The following ETFA variants were observed in gnomAD, a reference collection of about 807,000 sequenced individuals.
ETFA encodes electron transfer flavoprotein subunit alpha.
Under a neutral mutation model 46.2 loss-of-function variants are expected in ETFA, and 22 were observed. The observed-to-expected ratio is 0.48, with a 90% confidence interval of 0.34 to 0.68. The LOEUF is 0.68. Ranked by LOEUF, ETFA falls within the 30% of genes least tolerant of loss-of-function variation. The pLI is 0.01. For missense variants in ETFA, 345 were observed against 401.1 expected, an observed-to-expected ratio of 0.86 and a Z score of 1.19; for synonymous variants, 131 against 139.9, an observed-to-expected ratio of 0.94 and a Z score of 0.45.
At chr15:76,281,193 C>A (rs892534955) in intron 8 of ETFA, among the ~76,000 whole-genome samples, 1 of 151,806 alleles carries the variant, frequency 6.6e-6, no homozygotes, top group Non-Finnish European at 1.5e-5. Flanking sequence ...TTAGTAGAGG[C>A]GGGGTTTCAC....
chr15:76,268,299 A>G (rs1278954087), intron 9 of ETFA, among the ~76,000 whole-genome samples: 1 of 151,844 alleles, frequency 6.6e-6, no homozygotes, highest in Non-Finnish European at 1.5e-5. Flanking sequence ...GGGTGCCCTC[A>G]AGGTGTGTAT....
intron 9 of ETFA, among the ~76,000 whole-genome samples, chr15:76,253,478 T>C (rs1339277656): frequency 6.6e-6 from 1 of 152,126 alleles, no homozygotes; most frequent in Non-Finnish European, 1.5e-5. Context: ...ATGCTTTCCA[T>C]AGCTATTCAA....
chr15:76,296,348 C>A (rs973707234), intron 1 of ETFA, among the ~76,000 whole-genome samples: 3 of 152,144 alleles, frequency 2.0e-5, no homozygotes, highest in Admixed American at 6.5e-5. Context: ...TAATCTACAT[C>A]TGATAAGAAA....
chr15:76,240,603 A>T (rs770541642), intron 9 of ETFA, among the ~76,000 whole-genome samples: 1 of 152,222 alleles, frequency 6.6e-6, no homozygotes, highest in Non-Finnish European at 1.5e-5. Flanking sequence ...ATATTGTGAA[A>T]CACAATTCAA....
At chr15:76,284,686 TTCA>T in intron 7 of ETFA, 1 of 164,952 alleles carries the variant, frequency 6.1e-6, no homozygotes, top group Non-Finnish European at 1.3e-5. Flanking sequence ...GAGACGGGGT[TTCA>T]CTATGTTGGC....
intron 10 of ETFA, chr15:76,231,128 A>G: frequency 1.8e-6 from 1 of 545,224 alleles, no homozygotes; most frequent in Non-Finnish European, 3.3e-6. Flanking sequence ...ACTCAGGTTC[A>G]GGCCTCTTTC....
At chr15:76,263,732 C>G (rs2039442842) in intron 9 of ETFA, among the ~76,000 whole-genome samples, 1 of 152,108 alleles carries the variant, frequency 6.6e-6, no homozygotes, top group Admixed American at 6.5e-5. Flanking sequence ...AAGGTAGCTC[C>G]TGAGCCATTT....
At chr15:76,249,435 ATTTTTT>A (rs375408996) in intron 9 of ETFA, among the ~76,000 whole-genome samples, 12 of 74,808 alleles carry the variant, frequency 1.6e-4, no homozygotes, top group Admixed American at 1.5e-3. Flanking sequence ...GTCCATGGTA[ATTTTTT>A]TTTTTTTTTT....
intron 9 of ETFA, among the ~76,000 whole-genome samples, chr15:76,254,547 A>G: frequency 6.6e-6 from 1 of 152,248 alleles, no homozygotes; most frequent in East Asian, 1.9e-4. Flanking sequence ...AAATATGGTC[A>G]GGATAACCCC....
intron 1 of ETFA, among the ~76,000 whole-genome samples, chr15:76,308,401 A>G (rs1465012228): frequency 1.3e-5 from 2 of 152,216 alleles, no homozygotes; most frequent in Admixed American, 1.3e-4. Flanking sequence ...CTAAGTAACT[A>G]AAGTCAGCAT....
intron 11 of ETFA, among the ~76,000 whole-genome samples, chr15:76,221,039 A>T (rs1241062405): frequency 6.6e-6 from 1 of 152,236 alleles, no homozygotes; most frequent in Non-Finnish European, 1.5e-5. Flanking sequence ...TGTTCATAGC[A>T]GCATCATTCA....
At chr15:76,281,791 C>T (rs1345360105) in intron 8 of ETFA, among the ~76,000 whole-genome samples, 1 of 151,838 alleles carries the variant, frequency 6.6e-6, no homozygotes, top group East Asian at 1.9e-4. Context: ...TACCCAGAAC[C>T]TGTGAATATT....
At chr15:76,306,456 G>T (rs534267131) in intron 1 of ETFA, among the ~76,000 whole-genome samples, 1 of 151,300 alleles carries the variant, frequency 6.6e-6, no homozygotes, top group Non-Finnish European at 1.5e-5. Flanking sequence ...TAGTAGAGAC[G>T]GGTTTCACCA....
intron 9 of ETFA, among the ~76,000 whole-genome samples, chr15:76,253,533 G>A (rs2039321159): frequency 1.3e-5 from 2 of 152,062 alleles, no homozygotes; most frequent in African/African-American, 4.8e-5. Flanking sequence ...AAAGTTGAAA[G>A]GAAAGTAGAA....
chr15:76,231,405 TA>T lies in ETFA; in HGVS notation c.817-8del, dbSNP rs772869309. On this transcript the variant is annotated splice_region_variant and splice_polypyrimidine_tract_variant and intron_variant, in intron 9 of 11. Transcript: ENST00000557943. ...CAACAGCAATATAAAGTTCCTGAAA[TA>T]AAAGAGGTCACATTATTAATATGTA... is the stretch of plus-strand genomic sequence containing the variant. The T allele has an allele frequency of 3.2e-6, 5 of 1,569,740 alleles. No homozygotes were observed. In the South Asian group the frequency reaches 5.6e-5, roughly 17 times the overall value.
At chr15:76,223,470 G>T (rs531865125) in intron 11 of ETFA, among the ~76,000 whole-genome samples, 1 of 151,874 alleles carries the variant, frequency 6.6e-6, no homozygotes, top group Non-Finnish European at 1.5e-5. Flanking sequence ...TGATCCACCC[G>T]CCTCGGCCTC....
chr15:76,259,961 G>A, intron 9 of ETFA: 1 of 1,424,148 alleles, frequency 7.0e-7, no homozygotes, highest in Non-Finnish European at 9.9e-7. Flanking sequence ...ACCCCAACAA[G>A]TTTGGCCACA....
At chr15:76,216,982 A>G (rs1303849286) in intron 11 of ETFA, among the ~76,000 whole-genome samples, 3 of 150,590 alleles carry the variant, frequency 2.0e-5, no homozygotes, top group Non-Finnish European at 4.4e-5. Flanking sequence ...AGTAGCCACC[A>G]ACCTGTCTAA....
chr15:76,271,897 G>A (rs907743734), intron 9 of ETFA, among the ~76,000 whole-genome samples: 6 of 137,378 alleles, frequency 4.4e-5, no homozygotes, highest in South Asian at 2.6e-4. Flanking sequence ...ACATATATGC[G>A]TATATGTGTG....
Sources: gnomAD v4.1 joint callset for allele counts (sites outside exome capture counted in the v4.1 genomes callset) on GRCh38, gnomAD v4.1.1 for gene constraint, MANE v1.5 for transcripts, NCBI Gene and HGNC (gene_info 2026-07-23, HGNC 2026-07-21) for gene names.